The following RFC3 variants were observed in gnomAD, a reference collection of about 807,000 sequenced individuals.
RFC3 encodes replication factor C subunit 3.
Under a neutral mutation model 45.1 loss-of-function variants are expected in RFC3, and 41 were observed. That is an observed-to-expected ratio of 0.91 (90% CI 0.71 to 1.18). The LOEUF is 1.18. Among genes scored for constraint, RFC3 ranks in the 50% most tolerant of loss-of-function variants. RFC3 has a pLI of 0.00. For missense variants in RFC3, 423 were observed against 428.1 expected, an observed-to-expected ratio of 0.99 and a Z score of 0.10; for synonymous variants, 149 against 144.0, an observed-to-expected ratio of 1.03 and a Z score of -0.25.
In RFC3 at chr13:33,837,383, A is replaced by G. The variant is rs1267620213; in HGVS notation, c.*1088A>G. ...CATCCATATTGTTGAATGTTTCACT[A>G]GTTAATGTTTATTGTTCAATATTTT... On this transcript the variant is annotated 3_prime_UTR_variant, in exon 9 of 9. Coordinates refer to ENST00000380071, the MANE Select transcript of RFC3 (RefSeq NM_002915.4). The G allele has an allele frequency of 6.6e-6, 1 of 152,146 alleles. No homozygotes were observed. The highest frequency in any genetic ancestry group is 1.5e-5 in the Non-Finnish European group (1 of 68,010). The allele number at this position is 152,146 out of a possible 1,614,324, so 9.4% of individuals were successfully genotyped here.
intron 7 of RFC3, among the ~76,000 whole-genome samples, chr13:33,833,316 G>A (rs554774876): frequency 3.6e-4 from 55 of 151,878 alleles, no homozygotes; most frequent in African/African-American, 1.3e-3. Flanking sequence ...CTCTTACACC[G>A]TGTTATTTAA....
chr13:33,867,608 ATTAC>A (rs1252701232), intron 8 of RFC3, among the ~76,000 whole-genome samples: 2 of 152,196 alleles, frequency 1.3e-5, no homozygotes, highest in Non-Finnish European at 2.9e-5. Context: ...GCATCCTATT[ATTAC>A]TTTATCAAGT....
intron 8 of RFC3, among the ~76,000 whole-genome samples, chr13:33,899,770 C>T (rs1290230645): frequency 5.9e-5 from 9 of 151,816 alleles, no homozygotes; most frequent in Admixed American, 5.9e-4. Flanking sequence ...TGACCTTATA[C>T]TTAGAAAAAC....
chr13:33,831,148 T>G, intron 6 of RFC3, 108 bp from the exon 7 acceptor site: 1 of 704,170 alleles, frequency 1.4e-6, no homozygotes, highest in South Asian at 1.7e-5. Context: ...TGCTCACTCC[T>G]GCTGTGCAGC....
chr13:33,934,506 T>A (rs563203673), intron 8 of RFC3, among the ~76,000 whole-genome samples: 6 of 152,212 alleles, frequency 3.9e-5, no homozygotes, highest in African/African-American at 1.2e-4. Flanking sequence ...GTTCCTATCT[T>A]GTTTCCCTGG....
chr13:33,855,730 A>G (rs2082305079), intron 8 of RFC3, among the ~76,000 whole-genome samples: 1 of 152,124 alleles, frequency 6.6e-6, no homozygotes, highest in African/African-American at 2.4e-5. Flanking sequence ...ATGATCAGTG[A>G]TGCTGAACTT....
chr13:33,939,434 G>A (rs909878219), intron 8 of RFC3, among the ~76,000 whole-genome samples: 19 of 152,140 alleles, frequency 1.2e-4, no homozygotes, highest in Admixed American at 9.8e-4. Flanking sequence ...CAAGGTGCTC[G>A]GAAGGTGGTG....
chr13:33,917,545 CT>C (rs1341661265), intron 8 of RFC3, among the ~76,000 whole-genome samples: 3 of 152,086 alleles, frequency 2.0e-5, no homozygotes, highest in Non-Finnish European at 2.9e-5. Flanking sequence ...CTTAGTTGCT[CT>C]CTGTAGGCCT....
At chr13:33,895,799 T>A (rs528489748) in intron 8 of RFC3, among the ~76,000 whole-genome samples, 1 of 152,246 alleles carries the variant, frequency 6.6e-6, no homozygotes, top group South Asian at 2.1e-4. Context: ...ATGTGGTATA[T>A]GCACACCATA....
chr13:33,888,115 CT>C (rs1392139414), intron 8 of RFC3, among the ~76,000 whole-genome samples: 1 of 152,156 alleles, frequency 6.6e-6, no homozygotes, highest in Non-Finnish European at 1.5e-5. Context: ...GATGCAGGCT[CT>C]TTTTTGGTTC....
chr13:33,964,295 C>T (rs1315545158), intron 8 of RFC3, among the ~76,000 whole-genome samples: 2 of 152,118 alleles, frequency 1.3e-5, no homozygotes. Flanking sequence ...AAAGCCTAGA[C>T]TTTTTAAAAG....
At chr13:33,860,615 A>G (rs1402327817) in intron 8 of RFC3, among the ~76,000 whole-genome samples, 1 of 152,098 alleles carries the variant, frequency 6.6e-6, no homozygotes, top group East Asian at 1.9e-4. Context: ...CATGTGTCCC[A>G]GGCAGCCGTG....
chr13:33,868,445 C>T (rs140757944), intron 8 of RFC3, among the ~76,000 whole-genome samples: 37 of 152,272 alleles, frequency 2.4e-4, no homozygotes, highest in Middle Eastern at 3.4e-3. Context: ...AACTTTGCAC[C>T]GCCTCACAGA....
chr13:33,862,416 G>A (rs1378851356), intron 8 of RFC3, among the ~76,000 whole-genome samples: 2 of 152,110 alleles, frequency 1.3e-5, no homozygotes, highest in Admixed American at 6.6e-5. Context: ...ACTTGAATCA[G>A]CTTCAATGTC....
At chr13:33,840,985 C>T (rs2082194218), downstream of RFC3, among the ~76,000 whole-genome samples, 1 of 152,266 alleles carries the variant, frequency 6.6e-6, no homozygotes, top group South Asian at 2.1e-4. Flanking sequence ...CCCCCTGTGG[C>T]CTGTTAGGAA....
Position 33,829,828 on chromosome 13 carries a change from T to G in RFC3, c.392-8T>G. 1.9e-6 allele frequency: 3 copies of G among 1,612,470 alleles called. No individual in the cohort carries two copies. Among genetic ancestry groups the G allele is most frequent in the Middle Eastern group, 1.7e-4 (1 of 6,054 alleles). On this transcript the variant is annotated splice_polypyrimidine_tract_variant and splice_region_variant and intron_variant, in intron 4 of 8. Coordinates refer to ENST00000380071, the MANE Select transcript of RFC3 (RefSeq NM_002915.4). ...AGTTAAAGTTTGTTTTGTTTCTCTT[T>G]GACTCAGTGGTATTATTGACAGAAG...
At chr13:33,904,899 G>C (rs1193444300) in intron 8 of RFC3, among the ~76,000 whole-genome samples, 1 of 152,000 alleles carries the variant, frequency 6.6e-6, no homozygotes, top group Non-Finnish European at 1.5e-5. Context: ...TAAGTATGTT[G>C]AAAAATAAGA....
At chr13:33,874,043 T>G (rs1218324287) in intron 8 of RFC3, among the ~76,000 whole-genome samples, 1 of 144,636 alleles carries the variant, frequency 6.9e-6, no homozygotes, top group East Asian at 1.9e-4. Flanking sequence ...TATTGCTCTT[T>G]CTCTGCAACA....
chr13:33,864,903 A>G (rs941247886), intron 8 of RFC3, among the ~76,000 whole-genome samples: 5 of 152,204 alleles, frequency 3.3e-5, no homozygotes, highest in Non-Finnish European at 5.9e-5. Context: ...TGTCTTGGAC[A>G]TATGATGTTG....
Sources: allele counts gnomAD v4.1 joint callset (sites outside exome capture counted in the v4.1 genomes callset), GRCh38; gene constraint gnomAD v4.1.1; transcripts MANE v1.5; gene names NCBI Gene and HGNC (gene_info 2026-07-23, HGNC 2026-07-21).